KCNJ6: variants seen among roughly 807,000 people sequenced by gnomAD.
The protein encoded by KCNJ6 is potassium inwardly rectifying channel subfamily J member 6, also known as G protein-activated inward rectifier potassium channel 2.
In KCNJ6, 9 loss-of-function variants were observed where a neutral mutation model predicts 34.2. That is an observed-to-expected ratio of 0.26 (90% confidence interval 0.16 to 0.46). KCNJ6 has a LOEUF of 0.46. Among genes scored for constraint, KCNJ6 ranks in the 20% least tolerant of loss-of-function variants. The pLI is 1.00. For missense variants in KCNJ6, 236 were observed against 531.3 expected (o/e 0.44, Z 5.46); for synonymous variants, 196 against 207.1 (o/e 0.95, Z 0.46).
chr21:37,646,885 A>G (rs2054407514), intron 3 of KCNJ6, among the ~76,000 whole-genome samples: 1 of 151,998 alleles, frequency 6.6e-6, no homozygotes, highest in African/African-American at 2.4e-5. Context: ...GTGTTAGCCA[A>G]GACTGTCTCC....
At chr21:37,772,105 A>G (rs1249164286) in intron 2 of KCNJ6, among the ~76,000 whole-genome samples, 1 of 152,212 alleles carries the variant, frequency 6.6e-6, no homozygotes, top group Non-Finnish European at 1.5e-5. Context: ...TACTTCACCC[A>G]TAGTGACTCA....
At chr21:37,889,916 G>A (rs1168549880) in intron 1 of KCNJ6, among the ~76,000 whole-genome samples, 1 of 152,170 alleles carries the variant, frequency 6.6e-6, no homozygotes, top group South Asian at 2.1e-4. Context: ...ACATGCATAG[G>A]TACCAGGCAT....
At chr21:37,634,030 C>T (rs1326233567) in intron 3 of KCNJ6, among the ~76,000 whole-genome samples, 2 of 152,130 alleles carry the variant, frequency 1.3e-5, no homozygotes, top group East Asian at 1.9e-4. Context: ...TAGGGACTCA[C>T]TCTATTAGAT....
At chr21:37,849,202 A>G (rs1396319776) in intron 1 of KCNJ6, among the ~76,000 whole-genome samples, 1 of 152,146 alleles carries the variant, frequency 6.6e-6, no homozygotes, top group Non-Finnish European at 1.5e-5. Flanking sequence ...CACCTATTCT[A>G]GGTTTGGTCC....
At position 37,625,386 on chromosome 21, in the gene KCNJ6, C is replaced by T; in HGVS notation, c.1045G>A (p.Val349Ile). 3 of 1,614,212 alleles carry T rather than the reference C, an allele frequency of 1.9e-6. No homozygotes were observed. Among genetic ancestry groups the T allele is most frequent in the Non-Finnish European group, 2.5e-6 (3 of 1,180,028 alleles). The change falls in exon 4 of 4, where the codon GTT becomes ATT. Residue 349 changes from valine to isoleucine, a missense_variant. Physicochemically the swap from Val to Ile is conservative, Grantham distance 29 (BLOSUM62 3). Transcript: ENST00000609713. ...GTCTCATGGAAGCTGTTGTAGTCAA[C>T]TTCGTAGAACCCGTCCTCCAGGGTC... is the stretch of plus-strand genomic sequence containing the variant. ...VLTLEDGFYE[V>I]DYNSFHETYE...
At chr21:37,815,841 G>C (rs895092280) in intron 2 of KCNJ6, among the ~76,000 whole-genome samples, 3 of 152,228 alleles carry the variant, frequency 2.0e-5, no homozygotes, top group Admixed American at 2.0e-4. Context: ...AAACATGAGT[G>C]TACCCAGGAC....
chr21:37,818,211 C>CGTGTGTGT lies in KCNJ6; in HGVS notation c.25+22439_25+22446dup, dbSNP rs10539396. Among the ~76,000 whole-genome samples, 45 of 148,330 alleles carry CGTGTGTGT rather than the reference C, an allele frequency of 3.0e-4. 1 individual carries two copies. Among genetic ancestry groups the CGTGTGTGT allele is most frequent in the African/African-American group, 9.4e-4 (38 of 40,276 alleles). The stretch of plus-strand genomic sequence containing the variant: ...AAAAGTGCGTGTGTGTGTGTGCGTG[C>CGTGTGTGT]GTGTGTGTGTGTGTGTGTGTGTGTG... On this transcript the variant is annotated intron_variant, in intron 2 of 3. Coordinates refer to ENST00000609713, the MANE Select transcript of KCNJ6 (RefSeq NM_002240.5).
intron 3 of KCNJ6, among the ~76,000 whole-genome samples, chr21:37,676,375 G>A (rs1003461322): frequency 7.9e-5 from 12 of 152,234 alleles, no homozygotes; most frequent in African/African-American, 2.7e-4. Flanking sequence ...GCAGGAGGGA[G>A]GCCCTGCACT....
intron 3 of KCNJ6, among the ~76,000 whole-genome samples, chr21:37,634,883 T>C (rs1161878301): frequency 1.3e-5 from 2 of 151,886 alleles, no homozygotes; most frequent in African/African-American, 2.4e-5. Flanking sequence ...CTCAGCCTCC[T>C]GAGGAGCTGG....
chr21:37,714,964 C>T lies in KCNJ6; in HGVS notation c.193G>A (p.Val65Ile). 6.2e-7 allele frequency: 1 copy of T among 1,614,224 alleles called. No homozygotes were observed. The highest frequency in any genetic ancestry group is 8.5e-7 in the Non-Finnish European group (1 of 1,180,044). The change falls in exon 3 of 4, where the codon GTT becomes ATT. Residue 65 changes from valine (V) to isoleucine (I), a missense_variant. By Grantham distance (29) the Val-to-Ile change is conservative. This residue lies in a region of KCNJ6 where 68 missense variants were observed against 165.7 expected (regional missense o/e 0.41). Transcript: ENST00000609713. The surrounding 1 kb of genome is among the most constrained non-coding windows in gnomAD (Gnocchi z 5.9). ...GTCTCCCTCACGTTGCCGTGATGAACATTGCACTTTCCGTCTTTCCTCACG... is the reference window on the plus strand; with the variant it reads ...GTCTCCCTCACGTTGCCGTGATGAATATTGCACTTTCCGTCTTTCCTCACG... ...RYVRKDGKCN[V>I]HHGNVRETYR...
intron 2 of KCNJ6, among the ~76,000 whole-genome samples, chr21:37,815,996 C>T (rs990338481): frequency 1.3e-5 from 2 of 152,310 alleles, no homozygotes; most frequent in Middle Eastern, 3.4e-3. Context: ...GCTCTGCTCC[C>T]TGAACACCCA....
intron 3 of KCNJ6, among the ~76,000 whole-genome samples, chr21:37,650,403 C>A (rs758312351): frequency 6.6e-6 from 1 of 152,176 alleles, no homozygotes; most frequent in Non-Finnish European, 1.5e-5. Context: ...AATAATAATA[C>A]CTCCAGGTTG....
intron 2 of KCNJ6, among the ~76,000 whole-genome samples, chr21:37,804,448 G>A (rs1432838239): frequency 6.6e-6 from 1 of 151,950 alleles, no homozygotes; most frequent in Non-Finnish European, 1.5e-5. Context: ...TTAATTTCAG[G>A]GGTACGTGTG....
Position 37,624,271 on chromosome 21 carries a change from C to T in KCNJ6, c.*888G>A, listed in dbSNP as rs1033399967. 9.2e-5 allele frequency: 14 copies of T among 152,182 alleles called. No homozygotes were observed. Among genetic ancestry groups the T allele is most frequent in the Non-Finnish European group, 1.3e-4 (9 of 68,052 alleles). The allele number at this position is 152,182 out of a possible 1,614,324, so 9.4% of individuals were successfully genotyped here. A position where few individuals can be genotyped will look rare whatever the true frequency, so the allele number is the denominator to read the frequency against. Reference sequence around the variant, plus strand: ...GTGGGTTTTGCCATCTACCAGACCTCTCAATTTCCCCCAGACCTATGGCTT... The same window carrying T: ...GTGGGTTTTGCCATCTACCAGACCTTTCAATTTCCCCCAGACCTATGGCTT... On this transcript the variant is annotated 3_prime_UTR_variant, in exon 4 of 4. Coordinates refer to ENST00000609713, the MANE Select transcript of KCNJ6 (RefSeq NM_002240.5).
chr21:37,767,981 A>G (rs2055099579), intron 2 of KCNJ6, among the ~76,000 whole-genome samples: 1 of 152,224 alleles, frequency 6.6e-6, no homozygotes, highest in South Asian at 2.1e-4. Flanking sequence ...CATATGTGAG[A>G]ACAAAAACTC....
At chr21:37,884,046 G>T (rs1440338771) in intron 1 of KCNJ6, among the ~76,000 whole-genome samples, 1 of 152,162 alleles carries the variant, frequency 6.6e-6, no homozygotes, top group Non-Finnish European at 1.5e-5. Context: ...CTCCTGAAAA[G>T]TGTTCCAGAA....
chr21:37,876,716 A>G (rs2055680197), intron 1 of KCNJ6, among the ~76,000 whole-genome samples: 1 of 146,258 alleles, frequency 6.8e-6, no homozygotes, highest in Non-Finnish European at 1.5e-5. Context: ...TCACTATGAA[A>G]CATACGTGGG....
chr21:37,679,984 T>A (rs1480040990), intron 3 of KCNJ6, among the ~76,000 whole-genome samples: 5 of 152,240 alleles, frequency 3.3e-5, no homozygotes, highest in Admixed American at 1.3e-4. Context: ...GATACCATTG[T>A]GACCATTTTA....
At chr21:37,627,964 G>A (rs917728800) in intron 3 of KCNJ6, among the ~76,000 whole-genome samples, 1 of 152,064 alleles carries the variant, frequency 6.6e-6, no homozygotes, top group Non-Finnish European at 1.5e-5. Context: ...AGACTTTAGT[G>A]GCCATATACA....
Sources: gnomAD v4.1 joint callset for allele counts (sites outside exome capture counted in the v4.1 genomes callset) on GRCh38, gnomAD v4.1.1 for gene constraint, gnomAD v4.1.1 regional missense constraint, Gnocchi (gnomAD v3.1) non-coding constraint, MANE v1.5 for transcripts, NCBI Gene and HGNC (gene_info 2026-07-23, HGNC 2026-07-21) for gene names.